Variants in RGS7 observed in about 807,000 individuals in gnomAD.
RGS7 encodes the protein regulator of G-protein signaling 7.
A neutral mutation model predicts 81.1 loss-of-function variants in RGS7; 27 were observed. The observed-to-expected ratio is 0.33, with a 90% CI of 0.25 to 0.46. The LOEUF (loss-of-function observed/expected upper bound fraction) is 0.46, where lower values mean the gene tolerates loss of function less well. Among genes scored for constraint, RGS7 ranks in the 20% least tolerant of loss-of-function variants. RGS7 has a pLI of 1.00. For missense variants in RGS7, 396 were observed against 607.4 expected, an observed-to-expected ratio of 0.65 and a Z score of 3.66; for synonymous variants, 208 against 207.7, an observed-to-expected ratio of 1.00 and a Z score of -0.01.
At chr1:241,264,491 T>C (rs1382454476) in intron 2 of RGS7, among the ~76,000 whole-genome samples, 1 of 151,984 alleles carries the variant, frequency 6.6e-6, no homozygotes, top group East Asian at 1.9e-4. Context: ...AGTGAGACCC[T>C]GTCTCAAAGA....
chr1:241,213,618 T>C (rs1274675156), intron 2 of RGS7, among the ~76,000 whole-genome samples: 2 of 152,226 alleles, frequency 1.3e-5, no homozygotes. Context: ...TGATATATAA[T>C]GTAAGAACTT....
At position 241,137,900 on chromosome 1, in the gene RGS7, G is replaced by A. The variant is rs561878035; in HGVS notation, c.79-39138C>T. ...AATTAGGGAATAATGGCCGGGCACCGTGGCTCACGCCTGTAATCCCAGCAC... is the reference window on the plus strand; with the variant it reads ...AATTAGGGAATAATGGCCGGGCACCATGGCTCACGCCTGTAATCCCAGCAC... On this transcript the variant is annotated intron_variant, in intron 2 of 18. Transcript: ENST00000440928. Among the ~76,000 whole-genome samples the A allele has an allele frequency of 4.6e-5, 7 of 152,318 alleles. No homozygotes were observed. In the East Asian group the frequency reaches 7.7e-4, roughly 17 times the overall value.
chr1:240,961,249 G>C (rs1415931869), intron 4 of RGS7, among the ~76,000 whole-genome samples: 1 of 152,070 alleles, frequency 6.6e-6, no homozygotes, highest in South Asian at 2.1e-4. Flanking sequence ...ATTATGCAAT[G>C]GTAGAAAAAC....
At chr1:240,862,002 A>T (rs115141970) in intron 9 of RGS7, among the ~76,000 whole-genome samples, 185 of 152,296 alleles carry the variant, frequency 1.2e-3, no homozygotes, top group African/African-American at 4.2e-3. Context: ...GAAACATTAA[A>T]TACACAAGTC....
At chr1:240,959,219 T>C (rs1334852415) in intron 4 of RGS7, among the ~76,000 whole-genome samples, 1 of 152,226 alleles carries the variant, frequency 6.6e-6, no homozygotes, top group Admixed American at 6.5e-5. Context: ...ATTTAAGCTG[T>C]GCAGCTAACA....
At chr1:241,217,107 GA>G (rs1397605489) in intron 2 of RGS7, among the ~76,000 whole-genome samples, 1 of 152,134 alleles carries the variant, frequency 6.6e-6, no homozygotes, top group Admixed American at 6.6e-5. Flanking sequence ...GGAAGTAATG[GA>G]GGTTAAATGA....
At chr1:241,265,578 A>C (rs1262127794) in intron 2 of RGS7, among the ~76,000 whole-genome samples, 1 of 152,306 alleles carries the variant, frequency 6.6e-6, no homozygotes, top group Middle Eastern at 3.4e-3. Flanking sequence ...AGGGCTCCAA[A>C]GTTTACATAG....
chr1:241,087,457 A>C lies in RGS7; in HGVS notation c.175+11209T>G, dbSNP rs539053214. ...TAAAAAGTATAATTATTATTCACCC[A>C]TCTAACAAATATTAATGAACCCCTC... On this transcript the variant is annotated intron_variant, in intron 3 of 18. Coordinates refer to ENST00000440928, the MANE Select transcript of RGS7 (RefSeq NM_001364886.1). Among the ~76,000 whole-genome samples the C allele has an allele frequency of 5.9e-5, 9 of 152,326 alleles. No homozygotes were observed. The South Asian group carries it at 1.9e-3, about 32-fold the overall frequency.
chr1:241,330,635 C>T (rs1250166102), intron 2 of RGS7, among the ~76,000 whole-genome samples: 1 of 152,182 alleles, frequency 6.6e-6, no homozygotes, highest in Non-Finnish European at 1.5e-5. Flanking sequence ...AAAAGTTCCA[C>T]TGTACACTCT....
intron 2 of RGS7, among the ~76,000 whole-genome samples, chr1:241,113,191 T>C (rs2065652753): frequency 6.6e-6 from 1 of 152,196 alleles, no homozygotes; most frequent in Non-Finnish European, 1.5e-5. Flanking sequence ...AATCAGAATG[T>C]CTAGTTGCCT....
intron 2 of RGS7, among the ~76,000 whole-genome samples, chr1:241,105,225 TCCTTTAATGCAAG>T (rs1376391664): frequency 6.6e-6 from 1 of 152,200 alleles, no homozygotes; most frequent in Non-Finnish European, 1.5e-5. Context: ...AGGAATTTCT[TCCTTTAATGCAAG>T]AGAGTAAATC....
At chr1:240,774,861 A>G (rs563858660), downstream of RGS7, among the ~76,000 whole-genome samples, 27 of 150,228 alleles carry the variant, frequency 1.8e-4, no homozygotes, top group Non-Finnish European at 3.5e-4. Context: ...GCAACAATTA[A>G]AGTTGTATTA....
At chr1:241,088,081 C>CAT (rs1338180169) in intron 3 of RGS7, among the ~76,000 whole-genome samples, 6 of 143,858 alleles carry the variant, frequency 4.2e-5, no homozygotes, top group South Asian at 2.2e-4. Context: ...TATATATATA[C>CAT]ATATATATAT....
chr1:241,231,387 T>A (rs2075654512), intron 2 of RGS7, among the ~76,000 whole-genome samples: 1 of 152,194 alleles, frequency 6.6e-6, no homozygotes, highest in Admixed American at 6.5e-5. Context: ...CTCTTAATGA[T>A]TTTCTGGAAC....
chr1:241,135,507 G>A (rs1292256997), intron 2 of RGS7, among the ~76,000 whole-genome samples: 1 of 151,934 alleles, frequency 6.6e-6, no homozygotes, highest in Non-Finnish European at 1.5e-5. Flanking sequence ...TCTTGGGTTC[G>A]AGCTGAGAAC....
At chr1:241,104,119 A>G (rs1269870813) in intron 2 of RGS7, among the ~76,000 whole-genome samples, 1 of 152,222 alleles carries the variant, frequency 6.6e-6, no homozygotes, top group Non-Finnish European at 1.5e-5. Flanking sequence ...TATACATCTT[A>G]TCAAGGGTGA....
chr1:241,195,366 C>T (rs1039977508), intron 2 of RGS7, among the ~76,000 whole-genome samples: 2 of 152,112 alleles, frequency 1.3e-5, no homozygotes, highest in Non-Finnish European at 2.9e-5. Context: ...ATCCCAGCTA[C>T]TCAGGAAGCT....
chr1:240,793,175 T>C (rs1686310539), intron 18 of RGS7, among the ~76,000 whole-genome samples: 1 of 152,112 alleles, frequency 6.6e-6, no homozygotes. Context: ...CCCAGGGCTG[T>C]ATCGGACACT....
intron 2 of RGS7, among the ~76,000 whole-genome samples, chr1:241,108,066 G>T (rs2065242360): frequency 1.3e-5 from 2 of 152,050 alleles, no homozygotes. Context: ...ATGCCGAGGC[G>T]GGTGGATCAC....
Sources: gnomAD v4.1 joint callset for allele counts (sites outside exome capture counted in the v4.1 genomes callset) on GRCh38, gnomAD v4.1.1 for gene constraint, MANE v1.5 for transcripts, NCBI Gene and HGNC (gene_info 2026-07-23, HGNC 2026-07-21) for gene names.